Variants in PIK3C2G observed in about 807,000 individuals in gnomAD.
PIK3C2G encodes phosphatidylinositol-4-phosphate 3-kinase catalytic subunit type 2 gamma.
In PIK3C2G, 168 loss-of-function variants were observed where a neutral mutation model predicts 181.1. The ratio of observed to expected loss-of-function variants is 0.93; its 90% CI spans 0.82 to 1.05. The LOEUF (loss-of-function observed/expected upper bound fraction) is 1.05. Ranked by LOEUF, PIK3C2G falls within the 50% of genes least tolerant of loss-of-function variation. The pLI is 0.00. For missense variants in PIK3C2G, 1,869 were observed against 1,732.8 expected (o/e 1.08, Z -1.40); for synonymous variants, 573 against 592.2 (o/e 0.97, Z 0.47).
At chr12:18,476,502 G>C (rs1195654608) in intron 18 of PIK3C2G, among the ~76,000 whole-genome samples, 1 of 152,090 alleles carries the variant, frequency 6.6e-6, no homozygotes, top group Non-Finnish European at 1.5e-5. Flanking sequence ...AAGTAAAAAA[G>C]GAAGAGAGGG....
At chr12:18,543,548 T>C (rs1051398685) in intron 25 of PIK3C2G, among the ~76,000 whole-genome samples, 1 of 151,962 alleles carries the variant, frequency 6.6e-6, no homozygotes, top group Non-Finnish European at 1.5e-5. Flanking sequence ...CTTTAATCCA[T>C]CTTGAGTTGA....
At chr12:18,686,545 T>G in the PIK3C2G span, among the ~76,000 whole-genome samples, 10 of 152,090 alleles carry the variant, frequency 6.6e-5, no homozygotes, top group East Asian at 1.9e-3. Context: ...AATTGTATTT[T>G]CTTCATATTT....
intron 16 of PIK3C2G, among the ~76,000 whole-genome samples, chr12:18,402,473 C>T (rs182218105): frequency 4.6e-5 from 7 of 152,212 alleles, no homozygotes; most frequent in African/African-American, 1.7e-4. Context: ...ATGCTAAAAA[C>T]ATTGAATTGT....
chr12:18,368,354 G>C (rs1341335785), intron 12 of PIK3C2G, among the ~76,000 whole-genome samples: 1 of 152,144 alleles, frequency 6.6e-6, no homozygotes, highest in Non-Finnish European at 1.5e-5. Flanking sequence ...TGTGCAAAAG[G>C]AAAAGTAAGA....
intron 16 of PIK3C2G, among the ~76,000 whole-genome samples, chr12:18,417,744 C>A (rs1243214542): frequency 2.8e-5 from 4 of 144,274 alleles, no homozygotes; most frequent in African/African-American, 7.6e-5. Flanking sequence ...CTTTTACATA[C>A]ATTAAAAAAA....
chr12:18,612,655 C>T (rs1258523566), intron 31 of PIK3C2G, among the ~76,000 whole-genome samples: 1 of 152,110 alleles, frequency 6.6e-6, no homozygotes, highest in Admixed American at 6.5e-5. Flanking sequence ...TATAAATTCT[C>T]AACATATTTT....
upstream of PIK3C2G, among the ~76,000 whole-genome samples, chr12:18,258,001 A>T (rs1202276604): frequency 6.6e-6 from 1 of 152,146 alleles, no homozygotes; most frequent in Admixed American, 6.5e-5. Flanking sequence ...GGCATATGGG[A>T]AGTGTCATTT....
At chr12:18,546,546 G>T in intron 26 of PIK3C2G, 114 bp downstream of exon 26, 1 of 654,716 alleles carries the variant, frequency 1.5e-6, no homozygotes. Flanking sequence ...GTTGTTTCTA[G>T]AACAAGCTTG....
intron 16 of PIK3C2G, among the ~76,000 whole-genome samples, chr12:18,415,773 T>C (rs1213982886): frequency 6.6e-6 from 1 of 152,156 alleles, no homozygotes; most frequent in East Asian, 1.9e-4. Flanking sequence ...GAAACAGTCT[T>C]ATTGCTGCAA....
At chr12:18,706,196 C>A in the PIK3C2G span, among the ~76,000 whole-genome samples, 1 of 151,242 alleles carries the variant, frequency 6.6e-6, no homozygotes, top group Admixed American at 6.6e-5. Flanking sequence ...TGCACCATTG[C>A]ACTCCAGCCT....
Position 18,451,407 on chromosome 12 carries a change from G to A in PIK3C2G, c.2504+27368G>A, listed in dbSNP as rs117662937. On this transcript the variant is annotated intron_variant, in intron 18 of 32. Coordinates refer to ENST00000538779, the MANE Select transcript of PIK3C2G (RefSeq NM_001288772.2). ...ATTATTGCTGTGTAGGAGTGCTTGCGATTTTTGCAAATTCATTTTGAATCC... is the reference window on the plus strand; with the variant it reads ...ATTATTGCTGTGTAGGAGTGCTTGCAATTTTTGCAAATTCATTTTGAATCC... Among the ~76,000 whole-genome samples, 486 of 152,266 alleles carry A rather than the reference G, an allele frequency of 3.2e-3. 1 individual carries two copies. The highest frequency in any genetic ancestry group is 5.4e-3 in the Non-Finnish European group (369 of 68,022).
intron 12 of PIK3C2G, among the ~76,000 whole-genome samples, chr12:18,369,360 T>C (rs1291050515): frequency 6.6e-6 from 1 of 152,220 alleles, no homozygotes; most frequent in East Asian, 1.9e-4. Context: ...CATCTCCTTG[T>C]CTCATAAATA....
chr12:18,261,193 CATA>C (rs1393063669), upstream of PIK3C2G, among the ~76,000 whole-genome samples: 7 of 152,068 alleles, frequency 4.6e-5, no homozygotes, highest in African/African-American at 1.4e-4. Context: ...CGTTTAAATG[CATA>C]ATAACCTTAG....
intron 18 of PIK3C2G, among the ~76,000 whole-genome samples, chr12:18,470,761 C>T (rs932334982): frequency 1.3e-5 from 2 of 152,012 alleles, no homozygotes; most frequent in Non-Finnish European, 2.9e-5. Flanking sequence ...CCAGCCACCA[C>T]CCATGTTCAT....
chr12:18,399,315 C>T (rs1944105614), intron 15 of PIK3C2G, among the ~76,000 whole-genome samples: 2 of 149,444 alleles, frequency 1.3e-5, no homozygotes, highest in African/African-American at 2.5e-5. Flanking sequence ...TAGGATGTGT[C>T]GCAGGATTCA....
chr12:18,332,326 A>C (rs1469515169), intron 8 of PIK3C2G, among the ~76,000 whole-genome samples: 1 of 151,988 alleles, frequency 6.6e-6, no homozygotes, highest in Non-Finnish European at 1.5e-5. Context: ...ACCCTTGCTT[A>C]TTTATTACTC....
In PIK3C2G at chr12:18,548,598, T is replaced by C. The variant is rs1944561705; in HGVS notation, c.3590+2166T>C. 2.0e-5 allele frequency among the ~76,000 whole-genome samples: 3 copies of C among 152,018 alleles called. No homozygotes were observed. In the South Asian group the frequency reaches 6.2e-4, roughly 31 times the overall value. On this transcript the variant is annotated intron_variant, in intron 26 of 32. Coordinates refer to ENST00000538779, the MANE Select transcript of PIK3C2G (RefSeq NM_001288772.2). ...AAGAGGACATGAACTAACGTGGAAG[T>C]AGATCTGAAGCTAGAACCTCATGGC... is the stretch of plus-strand genomic sequence containing the variant.
chr12:18,354,084 C>T (rs1033760072), intron 11 of PIK3C2G, among the ~76,000 whole-genome samples: 7 of 152,244 alleles, frequency 4.6e-5, no homozygotes, highest in Non-Finnish European at 1.0e-4. Context: ...GCAGAGCAGT[C>T]TGCTTCTCAG....
In PIK3C2G at chr12:18,290,900, G is replaced by A. The variant is rs374623477; in HGVS notation, c.807G>A (p.Gly269=). The A allele has an allele frequency of 3.1e-6, 5 of 1,602,464 alleles. No individual in the cohort carries two copies. In the African/African-American group the frequency reaches 4.0e-5, roughly 13 times the overall value. The change falls in exon 4 of 33, where the codon GGG becomes GGA. Residue 269 remains glycine, a synonymous_variant. Transcript: ENST00000538779. ...CAGCTGATGTTAATTTCAATTCTGG[G>A]AAGATCTGGAGCACTACTACAGCAT... The part of the protein sequence containing the change: ...YHAADVNFNS[G]KIWSTTTAFP...
Sources: allele counts gnomAD v4.1 joint callset (sites outside exome capture counted in the v4.1 genomes callset), GRCh38; gene constraint gnomAD v4.1.1; transcripts MANE v1.5; gene names NCBI Gene and HGNC (gene_info 2026-07-23, HGNC 2026-07-21).